SAMHD1: variants seen among roughly 807,000 people sequenced by gnomAD.
SAMHD1 encodes the protein deoxynucleoside triphosphate triphosphohydrolase SAMHD1.
In SAMHD1, 54 loss-of-function variants were observed where a neutral mutation model predicts 79.6. The ratio of observed to expected loss-of-function variants is 0.68; its 90% CI spans 0.55 to 0.85. The LOEUF is 0.85. Ranked by LOEUF, SAMHD1 falls within the 40% of genes least tolerant of loss-of-function variation. The pLI, the probability that SAMHD1 is intolerant of heterozygous loss-of-function variation, is 0.00. For synonymous variants in SAMHD1, 260 were observed against 264.1 expected (o/e 0.98, Z 0.15); for missense variants, 663 against 782.7 (o/e 0.85, Z 1.82).
chr20:36,912,265 C>G (rs1009831940), intron 10 of SAMHD1, 196 bp downstream of exon 10: 2 of 564,842 alleles, frequency 3.5e-6, no homozygotes, highest in African/African-American at 3.8e-5. Context: ...TCCATCTGCC[C>G]CTTTATCCAC....
intron 6 of SAMHD1, 26 bp from the exon 7 acceptor site, chr20:36,919,545 G>A: frequency 6.2e-7 from 1 of 1,610,954 alleles, no homozygotes; most frequent in Non-Finnish European, 8.5e-7. Flanking sequence ...ACAATATGAT[G>A]TGTTAAAGAT....
intron 9 of SAMHD1, among the ~76,000 whole-genome samples, chr20:36,915,281 T>C (rs1192296289): frequency 6.6e-6 from 1 of 152,122 alleles, no homozygotes; most frequent in Non-Finnish European, 1.5e-5. Context: ...AAGGCTACAA[T>C]GCACTATGAT....
intron 13 of SAMHD1, among the ~76,000 whole-genome samples, chr20:36,900,075 C>T (rs1990273600): frequency 7.0e-6 from 1 of 143,098 alleles, no homozygotes; most frequent in African/African-American, 2.6e-5. Context: ...ACCTGGGTGA[C>T]ACAGTGAGAC....
chr20:36,913,408 A>T (rs2063457003), intron 9 of SAMHD1, among the ~76,000 whole-genome samples: 1 of 151,686 alleles, frequency 6.6e-6, no homozygotes, highest in Non-Finnish European at 1.5e-5. Flanking sequence ...GTTCAAGACC[A>T]GCCTGGCCAA....
intron 3 of SAMHD1, among the ~76,000 whole-genome samples, chr20:36,936,093 CAA>C (rs915021437): frequency 3.3e-5 from 5 of 151,694 alleles, no homozygotes; most frequent in African/African-American, 7.3e-5. Flanking sequence ...TCTTTAAAAA[CAA>C]AAATGCAGTG....
Position 36,944,077 on chromosome 20 carries a change from C to CAAAAAAA in SAMHD1, c.275+2654_275+2660dup, listed in dbSNP as rs542947370. On this transcript the variant is annotated intron_variant, in intron 2 of 15. Transcript: ENST00000646673. ...TGAGTGACAGAGCAAGACTCCATCTCAAAAAAAAAAAAAAAAAAAAGAACT... is the reference window on the plus strand; with the variant it reads ...TGAGTGACAGAGCAAGACTCCATCTCAAAAAAAAAAAAAAAAAAAAAAAAAAAGAACT... Among the ~76,000 whole-genome samples the CAAAAAAA allele has an allele frequency of 1.3e-3, 114 of 89,982 alleles. 4 individuals are homozygous for CAAAAAAA. Among genetic ancestry groups the CAAAAAAA allele is most frequent in the African/African-American group, 4.3e-3 (105 of 24,192 alleles). 59.0% of individuals were successfully genotyped at this position (89,982 alleles called of 152,430 possible).
rs761389071 is a variant in SAMHD1, at chr20:36,937,856, G to GT, written c.349-2668dup. 4.3e-3 allele frequency among the ~76,000 whole-genome samples: 516 copies of GT among 119,122 alleles called. 25 individuals carry two copies. The highest frequency in any genetic ancestry group is 7.7e-3 in the East Asian group (32 of 4,160). The allele number at this position is 119,122 out of a possible 152,430, so 78.1% of individuals were successfully genotyped here. ...TTATAAATGAGGTTAAACAATGTTG[G>GT]TTTGTTTTTTTTTTTTTTTGAGACA... On this transcript the variant is annotated intron_variant, in intron 3 of 15. Transcript: ENST00000646673.
intron 3 of SAMHD1, 119 bp from the exon 4 acceptor site, chr20:36,935,308 C>G: frequency 1.2e-6 from 1 of 808,154 alleles, no homozygotes; most frequent in Non-Finnish European, 2.1e-6. Flanking sequence ...AGTAAAAATA[C>G]TAACGGAAAT....
intron 3 of SAMHD1, among the ~76,000 whole-genome samples, chr20:36,939,431 A>T (rs921288382): frequency 6.6e-6 from 1 of 151,472 alleles, no homozygotes; most frequent in African/African-American, 2.4e-5. Flanking sequence ...TGTCTTTACT[A>T]AAAAAAATAC....
chr20:36,914,104 T>A (rs562887850), intron 9 of SAMHD1, among the ~76,000 whole-genome samples: 1 of 152,170 alleles, frequency 6.6e-6, no homozygotes, highest in South Asian at 2.1e-4. Flanking sequence ...ATTACATGAC[T>A]GCCATCTAAC....
intron 2 of SAMHD1, among the ~76,000 whole-genome samples, chr20:36,945,491 T>C (rs917236916): frequency 6.6e-6 from 1 of 152,218 alleles, no homozygotes; most frequent in African/African-American, 2.4e-5. Flanking sequence ...TTGGTTCTTA[T>C]GTATTTCCCA....
chr20:36,947,402 A>G, intron 1 of SAMHD1, among the ~76,000 whole-genome samples: 2 of 50,530 alleles, frequency 4.0e-5, no homozygotes, highest in Admixed American at 2.6e-4. Flanking sequence ...GTGATTTGGA[A>G]GAGGTGTGTG....
intron 1 of SAMHD1, chr20:36,947,086 G>T (rs1461676995): frequency 3.0e-6 from 1 of 337,944 alleles, no homozygotes; most frequent in Non-Finnish European, 5.6e-6. Flanking sequence ...AGTGAAACCC[G>T]ACTACCTGTT....
chr20:36,934,456 G>A (rs529281459), intron 4 of SAMHD1, among the ~76,000 whole-genome samples: 10 of 133,218 alleles, frequency 7.5e-5, no homozygotes, highest in African/African-American at 1.9e-4. Flanking sequence ...CTGGGAGGTC[G>A]AAGTTGCAGT....
intron 9 of SAMHD1, among the ~76,000 whole-genome samples, chr20:36,914,867 C>T (rs1490978345): frequency 6.7e-6 from 1 of 149,544 alleles, no homozygotes; most frequent in African/African-American, 2.5e-5. Context: ...GAAAAATTAG[C>T]CCGGTATAGT....
At chr20:36,940,725 A>G (rs1459436676) in intron 3 of SAMHD1, 1 of 395,138 alleles carries the variant, frequency 2.5e-6, no homozygotes, top group Non-Finnish European at 4.7e-6. Flanking sequence ...TGTACAAAGG[A>G]GGTCTTCAAT....
At chr20:36,899,177 G>A (rs1432186847) in intron 13 of SAMHD1, among the ~76,000 whole-genome samples, 2 of 151,026 alleles carry the variant, frequency 1.3e-5, no homozygotes, top group East Asian at 3.9e-4. Flanking sequence ...ATCCCAGGCC[G>A]GACACAGTGG....
intron 11 of SAMHD1, among the ~76,000 whole-genome samples, chr20:36,906,887 G>A (rs1050344629): frequency 2.6e-5 from 4 of 151,550 alleles, no homozygotes; most frequent in African/African-American, 9.7e-5. Context: ...TACCTCCTAG[G>A]TTCAAGTGAT....
At chr20:36,905,077 G>A in intron 12 of SAMHD1, 1 of 398,220 alleles carries the variant, frequency 2.5e-6, no homozygotes, top group East Asian at 5.1e-5. Flanking sequence ...AGCCAAAATT[G>A]GAGACCCACT....
Sources: gnomAD v4.1 joint callset for allele counts (sites outside exome capture counted in the v4.1 genomes callset) on GRCh38, gnomAD v4.1.1 for gene constraint, MANE v1.5 for transcripts, NCBI Gene and HGNC (gene_info 2026-07-23, HGNC 2026-07-21) for gene names.